The following ANK3 variants were observed in gnomAD, a reference collection of about 807,000 sequenced individuals.
ANK3 encodes the protein ankyrin-3.
In ANK3, 57 loss-of-function variants were observed where a neutral mutation model predicts 370.9. The ratio of observed to expected loss-of-function variants is 0.15; its 90% CI spans 0.12 to 0.19. The LOEUF (loss-of-function observed/expected upper bound fraction) is 0.19, where lower values mean the gene tolerates loss of function less well. Ranked by LOEUF, ANK3 falls within the 10% of genes least tolerant of loss-of-function variation. The pLI is 1.00. For missense variants in ANK3, 4,439 were observed against 5,302.1 expected (o/e 0.84, Z 5.06); for synonymous variants, 1,929 against 1,946.3 (o/e 0.99, Z 0.23).
chr10:60,721,914 T>C (rs2079869040), intron 1 of ANK3, among the ~76,000 whole-genome samples: 2 of 152,136 alleles, frequency 1.3e-5, no homozygotes. Context: ...TCTTACCAGT[T>C]GGGAGGAAAC....
intron 43 of ANK3, among the ~76,000 whole-genome samples, chr10:60,033,762 A>G (rs11813307): frequency 0.43 from 65,258 of 151,820 alleles, 14,854 homozygotes; most frequent in Non-Finnish European, 0.52. Flanking sequence ...GTCCAGCCCA[A>G]TGAACCTTTT....
chr10:60,713,574 C>G (rs2079739845), intron 1 of ANK3, among the ~76,000 whole-genome samples: 1 of 151,836 alleles, frequency 6.6e-6, no homozygotes, highest in South Asian at 2.1e-4. Context: ...AAGTGTAAAG[C>G]AAGCAGAAAA....
chr10:60,130,332 T>C (rs757855779), intron 25 of ANK3, among the ~76,000 whole-genome samples: 1 of 152,208 alleles, frequency 6.6e-6, no homozygotes, highest in Non-Finnish European at 1.5e-5. Flanking sequence ...GTGGTTAATA[T>C]GCAAACTGAT....
intron 43 of ANK3, among the ~76,000 whole-genome samples, chr10:60,040,952 A>C (rs867890063): frequency 7.2e-5 from 11 of 152,322 alleles, no homozygotes; most frequent in Middle Eastern, 6.8e-3. Flanking sequence ...GATCTGCTAT[A>C]GGGAGAAGTC....
intron 8 of ANK3, among the ~76,000 whole-genome samples, chr10:60,217,443 T>C (rs964035268): frequency 1.3e-5 from 2 of 152,202 alleles, no homozygotes; most frequent in African/African-American, 2.4e-5. Flanking sequence ...CTCCTAGAGA[T>C]TCTGGTACAT....
chr10:60,580,592 C>T (rs1052472053), intron 2 of ANK3, among the ~76,000 whole-genome samples: 7 of 152,102 alleles, frequency 4.6e-5, no homozygotes, highest in Admixed American at 2.6e-4. Flanking sequence ...CTACAAAATC[C>T]TCCAAAGTTA....
At chr10:60,177,285 T>C (rs897565480) in intron 18 of ANK3, among the ~76,000 whole-genome samples, 1 of 152,210 alleles carries the variant, frequency 6.6e-6, no homozygotes, top group East Asian at 1.9e-4. Flanking sequence ...ACTTTCACAG[T>C]GTCAGCTAAT....
intron 7 of ANK3, among the ~76,000 whole-genome samples, chr10:60,253,847 A>G (rs2097700009): frequency 6.6e-6 from 1 of 152,226 alleles, no homozygotes; most frequent in Non-Finnish European, 1.5e-5. Context: ...ATATGTACCA[A>G]TAAAAAAGAA....
chr10:60,435,763 T>C (rs1348791210), intron 2 of ANK3, among the ~76,000 whole-genome samples: 1 of 152,248 alleles, frequency 6.6e-6, no homozygotes, highest in East Asian at 1.9e-4. Flanking sequence ...GAACATGGAA[T>C]ATTTGTCCTT....
intron 6 of ANK3, among the ~76,000 whole-genome samples, chr10:60,262,976 T>A (rs2097829535): frequency 6.6e-6 from 1 of 152,054 alleles, no homozygotes. Context: ...ACATGCTCCT[T>A]TGGGGAGAGG....
chr10:60,148,884 C>A (rs1565317014), intron 23 of ANK3, among the ~76,000 whole-genome samples: 1 of 152,174 alleles, frequency 6.6e-6, no homozygotes, highest in East Asian at 1.9e-4. Context: ...TTGTCCTATT[C>A]ATTCTTCCTT....
At chr10:60,124,694 T>C (rs113386546) in intron 25 of ANK3, among the ~76,000 whole-genome samples, 5,566 of 152,320 alleles carry the variant, frequency 0.037, 165 homozygotes, top group Non-Finnish European at 0.056. Flanking sequence ...TACTCAGATC[T>C]GCTATGCTTT....
chr10:60,331,542 A>C (rs902429428), intron 1 of ANK3, among the ~76,000 whole-genome samples: 14 of 149,988 alleles, frequency 9.3e-5, no homozygotes, highest in African/African-American at 2.9e-4. Flanking sequence ...TTTGGAGGAA[A>C]CCCCCCTGTG....
intron 2 of ANK3, among the ~76,000 whole-genome samples, chr10:60,493,178 G>T (rs1366354900): frequency 6.6e-6 from 1 of 152,106 alleles, no homozygotes; most frequent in Non-Finnish European, 1.5e-5. Flanking sequence ...TGCTAAAGAG[G>T]TAAGATTTAG....
intron 41 of ANK3, among the ~76,000 whole-genome samples, chr10:60,058,988 C>G (rs899488720): frequency 6.6e-6 from 1 of 152,166 alleles, no homozygotes; most frequent in Non-Finnish European, 1.5e-5. Context: ...CTCCTGACCT[C>G]AGGTGATCCA....
chr10:60,308,439 C>A (rs866873775), intron 1 of ANK3, among the ~76,000 whole-genome samples: 1 of 151,792 alleles, frequency 6.6e-6, no homozygotes, highest in South Asian at 2.1e-4. Flanking sequence ...GCACGCCTGG[C>A]TAATTTTTAT....
chr10:60,286,329 A>G (rs1448759859), intron 1 of ANK3, among the ~76,000 whole-genome samples: 2 of 152,204 alleles, frequency 1.3e-5, no homozygotes, highest in South Asian at 2.1e-4. Context: ...AGCACTCTAT[A>G]TAAGTAAAAT....
chr10:60,064,232 T>A lies in ANK3; in HGVS notation c.12376A>T (p.Asn4126Tyr). The change falls in exon 39 of 44, where the codon AAT becomes TAT. Residue 4126 changes from asparagine to tyrosine, a missense_variant. Physicochemically the swap from Asn to Tyr is moderately radical, Grantham distance 143. Transcript: ENST00000280772. The stretch of plus-strand genomic sequence containing the variant: ...CTCTGAGAAATTAAAGAATTTGGAT[T>A]TTCCACACGTATTTGATTGATTTCA... ...VDEINQIRVE[N>Y]PNSLISQSFM... 6.3e-7 allele frequency: 1 copy of A among 1,582,620 alleles called. No individual in the cohort carries two copies. The highest frequency in any genetic ancestry group is 8.5e-7 in the Non-Finnish European group (1 of 1,171,072).
chr10:60,094,114 A>G (rs1185674469), intron 28 of ANK3, among the ~76,000 whole-genome samples: 2 of 151,814 alleles, frequency 1.3e-5, no homozygotes, highest in Non-Finnish European at 2.9e-5. Context: ...ATAGAATCAC[A>G]TGCACTGCCT....
Sources: gnomAD v4.1 joint callset for allele counts (sites outside exome capture counted in the v4.1 genomes callset) on GRCh38, gnomAD v4.1.1 for gene constraint, MANE v1.5 for transcripts, NCBI Gene and HGNC (gene_info 2026-07-23, HGNC 2026-07-21) for gene names.